The following POLR2B variants were observed in gnomAD, a reference collection of about 807,000 sequenced individuals.
POLR2B encodes DNA-directed RNA polymerase II subunit RPB2.
A neutral mutation model predicts 144.6 loss-of-function variants in POLR2B; 57 were observed. The ratio of observed to expected loss-of-function variants is 0.39; its 90% confidence interval spans 0.32 to 0.49. POLR2B has a LOEUF of 0.49. Ranked by LOEUF, POLR2B falls within the 20% of genes least tolerant of loss-of-function variation. The probability of loss-of-function intolerance (pLI) is 0.83; values close to 1 mark genes in which losing one functional copy is unlikely to be tolerated. For missense variants in POLR2B, 595 were observed against 1,467.4 expected (o/e 0.41, Z 9.71); for synonymous variants, 442 against 469.8 (o/e 0.94, Z 0.77).
At chr4:56,979,931 G>GAC (rs1446923599) in intron 1 of POLR2B, among the ~76,000 whole-genome samples, 9 of 151,442 alleles carry the variant, frequency 5.9e-5, no homozygotes, top group African/African-American at 2.2e-4. Context: ...GTTGAGTCTA[G>GAC]TGTATTTTCG....
chr4:56,995,600 G>A (rs1001209608), intron 6 of POLR2B, among the ~76,000 whole-genome samples, 191 bp downstream of exon 6: 1 of 152,212 alleles, frequency 6.6e-6, no homozygotes, highest in African/African-American at 2.4e-5. Flanking sequence ...CTGTGAGTCA[G>A]GAATCTGGGT....
intron 18 of POLR2B, 111 bp downstream of exon 18, chr4:57,022,357 C>G (rs1723580477): frequency 3.1e-6 from 2 of 645,884 alleles, no homozygotes; most frequent in Admixed American, 5.8e-5. Context: ...CCTCCTCTCC[C>G]TTTTTTTGTG....
rs753797671 is a variant in POLR2B at position 56,986,436 on chromosome 4, G to C, written c.92+10G>C. The C allele has an allele frequency of 6.3e-7, 1 of 1,586,760 alleles. No homozygotes were observed. On this transcript the variant is annotated intron_variant, in intron 2 of 24. Transcript: ENST00000314595. ...GCTGGATTGTAATCAGGTAACTTTG[G>C]ACCAAACTGAATTAGCCTGAAAAGG...
chr4:57,016,131 T>G (rs1379554005), intron 14 of POLR2B, among the ~76,000 whole-genome samples: 1 of 152,272 alleles, frequency 6.6e-6, no homozygotes, highest in Non-Finnish European at 1.5e-5. Context: ...CCATCACCAC[T>G]ATCTTAATTT....
intron 14 of POLR2B, among the ~76,000 whole-genome samples, chr4:57,016,832 C>T (rs1244951950): frequency 1.3e-5 from 2 of 148,886 alleles, no homozygotes; most frequent in African/African-American, 4.9e-5. Flanking sequence ...GCTTATTCTC[C>T]AGCAGCTTAC....
At chr4:57,016,531 A>C (rs913129213) in intron 14 of POLR2B, among the ~76,000 whole-genome samples, 27 of 151,974 alleles carry the variant, frequency 1.8e-4, no homozygotes, top group Non-Finnish European at 1.5e-5. Flanking sequence ...AAAAAAAAAA[A>C]GTTTTTGTGA....
chr4:56,998,123 G>A (rs949230330), intron 6 of POLR2B, among the ~76,000 whole-genome samples: 8 of 152,272 alleles, frequency 5.3e-5, no homozygotes, highest in East Asian at 3.9e-4. Flanking sequence ...CCAGGAGAGC[G>A]GTGAACTTCG....
rs1723629648 is a variant in POLR2B at position 57,023,942 on chromosome 4, T to G, written c.2857-63T>G. ...CATACAGTAATTCAGTTGGGAGAAC[T>G]GAAATGTCAGTTCTAGTTTAGTATA... On this transcript the variant is annotated intron_variant, in intron 20 of 24. Transcript: ENST00000314595. This position sits in a 1 kb window ranked among gnomAD's most constrained non-coding sequence, Gnocchi z 4.3. 3.1e-6 allele frequency: 3 copies of G among 958,032 alleles called. No individual in the cohort carries two copies. The highest frequency in any genetic ancestry group is 4.8e-6 in the Non-Finnish European group (3 of 626,416). 59.3% of individuals were successfully genotyped at this position (958,032 alleles called of 1,614,324 possible). A position where few individuals can be genotyped will look rare whatever the true frequency, so the allele number is the denominator to read the frequency against.
intron 16 of POLR2B, among the ~76,000 whole-genome samples, chr4:57,018,589 G>A (rs916669664): frequency 1.3e-5 from 2 of 152,222 alleles, no homozygotes; most frequent in Non-Finnish European, 2.9e-5. Flanking sequence ...TTTTGTTTTG[G>A]ATATGTTGAT....
At chr4:57,016,337 A>G (rs2109701883) in intron 14 of POLR2B, among the ~76,000 whole-genome samples, 1 of 151,632 alleles carries the variant, frequency 6.6e-6, no homozygotes, top group South Asian at 2.1e-4. Context: ...GCTTGAGGCC[A>G]GGAGTTCAAG....
In POLR2B at chr4:57,011,114, G is replaced by A. The variant is rs778163800; in HGVS notation, c.1800+14G>A. On this transcript the variant is annotated intron_variant, in intron 13 of 24. Coordinates refer to ENST00000314595, the MANE Select transcript of POLR2B (RefSeq NM_000938.3). ...ATTGTGTCTGAAGTAAGAATCTTTAGTTAAGAGGGTGTGGACTGTGAGATT... is the reference window on the plus strand; with the variant it reads ...ATTGTGTCTGAAGTAAGAATCTTTAATTAAGAGGGTGTGGACTGTGAGATT... 1 of 1,501,782 alleles carries A rather than the reference G, an allele frequency of 6.7e-7. No homozygotes were observed. Among genetic ancestry groups the A allele is most frequent in the Non-Finnish European group, 9.3e-7 (1 of 1,077,464 alleles). 93.0% of individuals were successfully genotyped at this position (1,501,782 alleles called of 1,614,324 possible). A position where few individuals can be genotyped will look rare whatever the true frequency, so the allele number is the denominator to read the frequency against.
In POLR2B at chr4:57,015,632, A is replaced by G. The variant is rs2109700512; in HGVS notation, c.1931A>G (p.Lys644Arg). Residue 644 changes from lysine (K) to arginine (R), a missense_variant, in exon 14 of 25, where the codon AAA (lysine) becomes AGA (arginine). Lys to Arg is a conservative substitution (Grantham distance 26, BLOSUM62 2). Transcript: ENST00000314595. ...LLKKRHIDQL[K>R]EREYNNYSWQ... is the part of the protein sequence containing the mutation. ...AAGAAGAGGCATATTGACCAATTGA[A>G]AGAGAGAGAATATAACAACTATAGG... 1.4e-6 allele frequency: 2 copies of G among 1,476,768 alleles called. No homozygotes were observed. Among genetic ancestry groups the G allele is most frequent in the Non-Finnish European group, 9.1e-7 (1 of 1,100,036 alleles). 91.5% of individuals were successfully genotyped at this position (1,476,768 alleles called of 1,614,324 possible).
chr4:57,022,265 T>A lies in POLR2B; in HGVS notation c.2515+19T>A, dbSNP rs982678163. The A allele has an allele frequency of 3.4e-6, 5 of 1,466,032 alleles. No homozygotes were observed. The highest frequency in any genetic ancestry group is 4.8e-6 in the Non-Finnish European group (5 of 1,051,254). 90.8% of individuals were successfully genotyped at this position (1,466,032 alleles called of 1,614,324 possible). A position where few individuals can be genotyped will look rare whatever the true frequency, so the allele number is the denominator to read the frequency against. The stretch of plus-strand genomic sequence containing the variant: ...TGCCAGGGTAAGTGACACTAACATT[T>A]AAATGATGGAATCCAAAGTTAACTT... On this transcript the variant is annotated intron_variant, in intron 18 of 24. Transcript: ENST00000314595.
intron 1 of POLR2B, among the ~76,000 whole-genome samples, chr4:56,979,646 G>T (rs1431151403): frequency 6.6e-6 from 1 of 152,136 alleles, no homozygotes; most frequent in African/African-American, 2.4e-5. Flanking sequence ...TAGTGGCCGA[G>T]CGCGGTGGCT....
At chr4:56,983,832 C>T (rs1035929085) in intron 1 of POLR2B, among the ~76,000 whole-genome samples, 1 of 151,600 alleles carries the variant, frequency 6.6e-6, no homozygotes, top group African/African-American at 2.4e-5. Context: ...GAAGTCTTCC[C>T]TAACCTTTTC....
At chr4:57,016,785 T>C (rs954458750) in intron 14 of POLR2B, among the ~76,000 whole-genome samples, 7 of 149,774 alleles carry the variant, frequency 4.7e-5, no homozygotes, top group African/African-American at 1.5e-4. Context: ...TCTTCACAAG[T>C]ATATACTGGT....
rs758857538 is a variant in POLR2B, at chr4:57,010,999, AT to A, written c.1704del (p.Phe568LeufsTer17). 6.2e-7 allele frequency: 1 copy of A among 1,613,938 alleles called. No individual in the cohort carries two copies. Among genetic ancestry groups the A allele is most frequent in the East Asian group, 2.2e-5 (1 of 44,862 alleles). On this transcript the variant is annotated frameshift_variant, in exon 13 of 25. Transcript: ENST00000314595. LOFTEE classifies it high-confidence loss of function. ...SPAAIADATK[I>X]FVNGCWVGIH... ...GCTTTTTCATTGTAGTGCAACCAAGATTTTTGTTAATGGCTGCTGGGTTGGA... is the reference window on the plus strand; with the variant it reads ...GCTTTTTCATTGTAGTGCAACCAAGATTTTGTTAATGGCTGCTGGGTTGGA...
At chr4:57,027,004 A>G (rs1295954605) in intron 23 of POLR2B, among the ~76,000 whole-genome samples, 1 of 151,752 alleles carries the variant, frequency 6.6e-6, no homozygotes, top group East Asian at 1.9e-4. Context: ...TTGGAAAGAG[A>G]GGAATATTTT....
chr4:57,010,943 A>G (rs570723965), intron 12 of POLR2B, 46 bp from the exon 13 acceptor site: 3 of 1,592,742 alleles, frequency 1.9e-6, no homozygotes, highest in African/African-American at 2.7e-5. Context: ...GTTGTTGCTT[A>G]GTATAGAATT....
Sources: allele counts gnomAD v4.1 joint callset (sites outside exome capture counted in the v4.1 genomes callset), GRCh38; gene constraint gnomAD v4.1.1; non-coding constraint Gnocchi (gnomAD v3.1); transcripts MANE v1.5; gene names NCBI Gene and HGNC (gene_info 2026-07-23, HGNC 2026-07-21).